Variants in PRKCI observed in about 807,000 individuals in gnomAD.
PRKCI encodes the protein protein kinase C iota type.
A neutral mutation model predicts 84.0 loss-of-function variants in PRKCI; 43 were observed. The ratio of observed to expected loss-of-function variants is 0.51; its 90% CI spans 0.40 to 0.66. PRKCI has a LOEUF of 0.66. Ranked by LOEUF, PRKCI falls within the 30% of genes least tolerant of loss-of-function variation. PRKCI has a pLI of 0.00. For missense variants in PRKCI, 459 were observed against 745.6 expected (o/e 0.62, Z 4.48); for synonymous variants, 216 against 234.4 (o/e 0.92, Z 0.72).
chr3:170,299,703 C>T (rs1052406174), intron 17 of PRKCI, among the ~76,000 whole-genome samples: 4 of 152,166 alleles, frequency 2.6e-5, no homozygotes, highest in African/African-American at 7.2e-5. Flanking sequence ...AACCAAGGCT[C>T]AGAGAGGTTA....
At chr3:170,248,255 A>C (rs981188147) in intron 2 of PRKCI, among the ~76,000 whole-genome samples, 3 of 152,196 alleles carry the variant, frequency 2.0e-5, no homozygotes, top group Non-Finnish European at 4.4e-5. Flanking sequence ...ATCTCATATA[A>C]ATAATTGGAT....
At chr3:170,297,714 C>A (rs1417143870) in intron 16 of PRKCI, among the ~76,000 whole-genome samples, 2 of 151,876 alleles carry the variant, frequency 1.3e-5, no homozygotes, top group Non-Finnish European at 2.9e-5. Flanking sequence ...CCTCGGCCTC[C>A]CAAAGTGCTG....
At chr3:170,239,296 A>C (rs1014152807) in intron 2 of PRKCI, among the ~76,000 whole-genome samples, 2 of 152,240 alleles carry the variant, frequency 1.3e-5, no homozygotes. Context: ...AAATATGGTT[A>C]CTTATAAATG....
At chr3:170,224,564 C>G (rs926480554) in intron 1 of PRKCI, among the ~76,000 whole-genome samples, 2 of 151,882 alleles carry the variant, frequency 1.3e-5, no homozygotes, top group Non-Finnish European at 2.9e-5. Flanking sequence ...TACTCTGTTA[C>G]CCATGCTGGA....
At chr3:170,223,222 A>G (rs1308568916) in intron 1 of PRKCI, among the ~76,000 whole-genome samples, 1 of 152,180 alleles carries the variant, frequency 6.6e-6, no homozygotes, top group Admixed American at 6.5e-5. Context: ...CAGCAGGCCT[A>G]ACGCCTCTGG....
At chr3:170,229,115 A>G (rs1179430780) in intron 1 of PRKCI, among the ~76,000 whole-genome samples, 4 of 152,054 alleles carry the variant, frequency 2.6e-5, no homozygotes, top group Non-Finnish European at 5.9e-5. Context: ...ACAGTTAGGG[A>G]TATTCTATAT....
intron 4 of PRKCI, among the ~76,000 whole-genome samples, chr3:170,267,264 CA>C (rs1410010028): frequency 6.7e-6 from 1 of 150,344 alleles, no homozygotes; most frequent in Non-Finnish European, 1.5e-5. Flanking sequence ...GTAAATATGA[CA>C]AAACATGAAT....
intron 2 of PRKCI, among the ~76,000 whole-genome samples, chr3:170,252,419 A>G: frequency 6.6e-6 from 1 of 152,336 alleles, no homozygotes; most frequent in East Asian, 1.9e-4. Context: ...GCAGGCATAC[A>G]GTGCATAATC....
chr3:170,260,673 G>A (rs1191800217), intron 3 of PRKCI, among the ~76,000 whole-genome samples: 1 of 151,808 alleles, frequency 6.6e-6, no homozygotes, highest in Non-Finnish European at 1.5e-5. Flanking sequence ...GGCTGGTCTC[G>A]AACTCCTGGC....
chr3:170,283,505 G>T (rs184425385), intron 11 of PRKCI, among the ~76,000 whole-genome samples: 25 of 152,084 alleles, frequency 1.6e-4, no homozygotes, highest in African/African-American at 6.0e-4. Context: ...GTTTATTTGG[G>T]TTTTTTTGTT....
chr3:170,270,576 CTTTTTTTT>C lies in PRKCI; in HGVS notation c.591+28_591+35del. The C allele has an allele frequency of 1.5e-6, 2 of 1,364,744 alleles. No individual in the cohort carries two copies. The highest frequency in any genetic ancestry group is 1.9e-6 in the Non-Finnish European group (2 of 1,052,608). 84.5% of individuals were successfully genotyped at this position (1,364,744 alleles called of 1,614,324 possible). On this transcript the variant is annotated intron_variant, in intron 6 of 17. Coordinates refer to ENST00000295797, the MANE Select transcript of PRKCI (RefSeq NM_002740.6). ...CTTTGCCACAGGTAAGATGTCTGTCCTTTTTTTTTTTTTTTTTTTTAAGAGCGTGCTTG... is the reference window on the plus strand; with the variant it reads ...CTTTGCCACAGGTAAGATGTCTGTCCTTTTTTTTTTTTAAGAGCGTGCTTG...
chr3:170,238,594 C>CT (rs1231292323), intron 2 of PRKCI, among the ~76,000 whole-genome samples: 3,386 of 125,072 alleles, frequency 0.027, 57 homozygotes, highest in African/African-American at 0.045. Context: ...CATTTCTTTT[C>CT]TTTTTTTTTT....
chr3:170,281,150 A>C lies in PRKCI; in HGVS notation c.883-16A>C. 1 of 1,599,298 alleles carries C rather than the reference A, an allele frequency of 6.3e-7. No individual in the cohort carries two copies. The highest frequency in any genetic ancestry group is 8.6e-7 in the Non-Finnish European group (1 of 1,168,112). ...GATATCAGTTTGACATAGATTTCTTACATGTTTCAAAATAGGATATTGATT... is the reference window on the plus strand; with the variant it reads ...GATATCAGTTTGACATAGATTTCTTCCATGTTTCAAAATAGGATATTGATT... On this transcript the variant is annotated splice_polypyrimidine_tract_variant and intron_variant, in intron 9 of 17. Transcript: ENST00000295797.
chr3:170,302,111 T>A (rs1195380903), intron 17 of PRKCI, among the ~76,000 whole-genome samples: 1 of 152,228 alleles, frequency 6.6e-6, no homozygotes, highest in Non-Finnish European at 1.5e-5. Context: ...CTTTGATGGA[T>A]CAAGGTGAAA....
Position 170,284,536 on chromosome 3 carries a change from G to A in PRKCI, c.1143G>A (p.Leu381=), listed in dbSNP as rs776918289. The change falls in exon 12 of 18, where the codon CTG becomes CTA. Residue 381 remains leucine, a synonymous_variant. Transcript: ENST00000295797. ...GGATAATTTATAGAGATTTGAAACT[G>A]GACAATGTATTACTGGACTCTGAAG... The part of the protein sequence containing the change: ...ERGIIYRDLK[L]DNVLLDSEGH... The A allele has an allele frequency of 3.1e-6, 5 of 1,612,346 alleles. No homozygotes were observed. In the South Asian group the frequency reaches 5.5e-5, roughly 18 times the overall value.
chr3:170,277,941 A>G (rs1007342295), intron 8 of PRKCI, among the ~76,000 whole-genome samples: 2 of 152,256 alleles, frequency 1.3e-5, no homozygotes, highest in African/African-American at 4.8e-5. Flanking sequence ...ATCTGAGATC[A>G]TGCATTTTCT....
At position 170,293,243 on chromosome 3, in the gene PRKCI, A is replaced by G. The variant is rs952344661; in HGVS notation, c.1292-140A>G. 4.5e-6 allele frequency: 3 copies of G among 660,324 alleles called. No homozygotes were observed. The African/African-American group carries it at 5.6e-5, about 12-fold the overall frequency. 40.9% of individuals were successfully genotyped at this position (660,324 alleles called of 1,614,324 possible). On this transcript the variant is annotated intron_variant, in intron 13 of 17. Coordinates refer to ENST00000295797, the MANE Select transcript of PRKCI (RefSeq NM_002740.6). ...TAAATGAAGCATTTCTATAATCTTC[A>G]GTGCCTACCATGATAGTTGGAATGC...
intron 2 of PRKCI, among the ~76,000 whole-genome samples, chr3:170,241,706 T>C (rs1400475908): frequency 6.7e-6 from 1 of 148,502 alleles, no homozygotes; most frequent in Non-Finnish European, 1.5e-5. Context: ...GGCCTCACTC[T>C]GTTACTCAGG....
chr3:170,282,989 C>G (rs1734289782), intron 11 of PRKCI, among the ~76,000 whole-genome samples: 1 of 150,830 alleles, frequency 6.6e-6, no homozygotes, highest in Non-Finnish European at 1.5e-5. Context: ...CCTGTGGTCC[C>G]AACTACTTGG....
Sources: allele counts gnomAD v4.1 joint callset (sites outside exome capture counted in the v4.1 genomes callset), GRCh38; gene constraint gnomAD v4.1.1; transcripts MANE v1.5; gene names NCBI Gene and HGNC (gene_info 2026-07-23, HGNC 2026-07-21).